Variants in TDRP observed in about 807,000 individuals in gnomAD.
TDRP encodes the protein testis development-related protein.
A neutral mutation model predicts 10.5 loss-of-function variants in TDRP; 12 were observed. The ratio of observed to expected loss-of-function variants is 1.15; its 90% CI spans 0.73 to 1.86. The LOEUF (loss-of-function observed/expected upper bound fraction) is 1.86, where lower values mean the gene tolerates loss of function less well. Among genes scored for constraint, TDRP ranks in the 40% most tolerant of loss-of-function variants. The pLI is 0.00. For missense variants in TDRP, 353 were observed against 229.2 expected (o/e 1.54, Z -3.49); for synonymous variants, 139 against 95.4 (o/e 1.46, Z -2.67).
Position 544,644 on chromosome 8 carries a change from CCT to C in TDRP, c.108+4_108+5del. 8.1e-7 allele frequency: 1 copy of C among 1,233,312 alleles called. No homozygotes were observed. The highest frequency in any genetic ancestry group is 1.0e-6 in the Non-Finnish European group (1 of 988,586). 76.4% of individuals were successfully genotyped at this position (1,233,312 alleles called of 1,614,324 possible). On this transcript the variant is annotated splice_donor_5th_base_variant and intron_variant, in intron 1 of 2. Transcript: ENST00000324079. ...ACTAGCACTCCCCACCTGCGCACCC[CCT>C]CACCTGCGCCTGGGCGGCGGCGGCG...
intron 1 of TDRP, among the ~76,000 whole-genome samples, chr8:542,528 C>G (rs1802524169): frequency 6.6e-6 from 1 of 151,910 alleles, no homozygotes; most frequent in African/African-American, 2.4e-5. Context: ...AAAATAGAGT[C>G]TATTAAAGTT....
At chr8:496,299 C>T (rs1022957006) in intron 1 of TDRP, among the ~76,000 whole-genome samples, 6 of 152,196 alleles carry the variant, frequency 3.9e-5, no homozygotes, top group Admixed American at 3.3e-4. Flanking sequence ...CATGACAGAG[C>T]ATGTGGCAGG....
intron 1 of TDRP, among the ~76,000 whole-genome samples, chr8:520,069 A>G (rs1801859531): frequency 6.6e-6 from 1 of 152,242 alleles, no homozygotes; most frequent in Non-Finnish European, 1.5e-5. Flanking sequence ...GGAAACACAT[A>G]GGCAGTTTTG....
At chr8:497,034 T>C (rs988877193) in intron 1 of TDRP, among the ~76,000 whole-genome samples, 3 of 152,216 alleles carry the variant, frequency 2.0e-5, no homozygotes, top group Non-Finnish European at 4.4e-5. Flanking sequence ...CAGTCTCAGG[T>C]AGTTCTTTAT....
chr8:538,811 A>G (rs1802415296), intron 1 of TDRP, among the ~76,000 whole-genome samples: 1 of 152,216 alleles, frequency 6.6e-6, no homozygotes, highest in African/African-American at 2.4e-5. Context: ...TCACATTAAG[A>G]TGCAACTTTT....
intron 1 of TDRP, among the ~76,000 whole-genome samples, chr8:512,216 G>C (rs954198247): frequency 2.0e-5 from 3 of 151,836 alleles, no homozygotes; most frequent in East Asian, 1.9e-4. Flanking sequence ...ACGAGGTGGA[G>C]ACTGAGACCA....
chr8:502,784 A>G (rs1801340328), intron 1 of TDRP, among the ~76,000 whole-genome samples: 1 of 151,742 alleles, frequency 6.6e-6, no homozygotes, highest in Non-Finnish European at 1.5e-5. Context: ...TGGAATCCAG[A>G]GCCATACACT....
chr8:496,866 G>C (rs1470242716), intron 1 of TDRP, among the ~76,000 whole-genome samples: 1 of 152,176 alleles, frequency 6.6e-6, no homozygotes, highest in Admixed American at 6.5e-5. Context: ...TGTGGCACCT[G>C]TCTTTTCTCT....
chr8:517,232 C>G (rs1801780468), intron 1 of TDRP, among the ~76,000 whole-genome samples: 1 of 152,138 alleles, frequency 6.6e-6, no homozygotes, highest in African/African-American at 2.4e-5. Flanking sequence ...CACATGACAG[C>G]AGGCCCTAAA....
At chr8:529,960 A>T (rs1584362) in intron 1 of TDRP, among the ~76,000 whole-genome samples, 71,552 of 151,912 alleles carry the variant, frequency 0.47, 17,447 homozygotes, top group Admixed American at 0.57. Context: ...TCTTTATTCA[A>T]ATAAGCTCTC....
rs1470734683 is a variant in TDRP, at chr8:492,702, T to C, written c.255A>G (p.Lys85=). ...RLKEELKAEK[K]SGFWDNLVLK... ...AAACCAAATTGTCCCAAAATCCAGA[T>C]TTCTTCTCTGCCTTCAACTCTTCTT... Residue 85 remains lysine (K), a synonymous_variant, in exon 3 of 3, where the codon AAA becomes AAG. Coordinates refer to ENST00000324079, the MANE Select transcript of TDRP (RefSeq NM_001384899.1). 8.1e-6 allele frequency: 13 copies of C among 1,613,774 alleles called. No homozygotes were observed. Among genetic ancestry groups the C allele is most frequent in the South Asian group, 3.3e-5 (3 of 91,064 alleles).
chr8:497,754 G>A (rs60454751), intron 1 of TDRP, among the ~76,000 whole-genome samples: 2,602 of 152,294 alleles, frequency 0.017, 56 homozygotes, highest in East Asian at 0.084. Flanking sequence ...CACAGGTCCA[G>A]AGGCCTAGGA....
chr8:520,781 T>A (rs1801881793), intron 1 of TDRP, among the ~76,000 whole-genome samples: 1 of 152,208 alleles, frequency 6.6e-6, no homozygotes, highest in South Asian at 2.1e-4. Flanking sequence ...GCCCATTTTT[T>A]AATCAGGTTT....
intron 1 of TDRP, among the ~76,000 whole-genome samples, chr8:501,237 G>A (rs929281649): frequency 3.9e-5 from 6 of 151,966 alleles, no homozygotes; most frequent in African/African-American, 7.2e-5. Flanking sequence ...AAACATGAGC[G>A]TAATGCTCGG....
intron 1 of TDRP, among the ~76,000 whole-genome samples, chr8:504,495 C>A (rs1801401155): frequency 6.6e-6 from 1 of 152,122 alleles, no homozygotes; most frequent in Admixed American, 6.5e-5. Flanking sequence ...AGAACGGAGC[C>A]CCCTACCCTG....
intron 2 of TDRP, among the ~76,000 whole-genome samples, chr8:493,988 C>CTTTTT (rs1563114921): frequency 9.6e-6 from 1 of 104,482 alleles, no homozygotes; most frequent in African/African-American, 3.7e-5. Context: ...CAACTCATTT[C>CTTTTT]TGTTGTTTTT....
intron 1 of TDRP, among the ~76,000 whole-genome samples, chr8:522,987 T>C (rs916912691): frequency 5.3e-5 from 8 of 152,166 alleles, no homozygotes; most frequent in African/African-American, 1.4e-4. Context: ...CACGTAGTTT[T>C]GGTTGGGGAG....
rs1460894460 is a variant in TDRP, at chr8:492,681, C to A, written c.276G>T (p.Leu92Phe). 2.5e-6 allele frequency: 4 copies of A among 1,613,912 alleles called. No individual in the cohort carries two copies. Among genetic ancestry groups the A allele is most frequent in the Non-Finnish European group, 3.4e-6 (4 of 1,179,870 alleles). Residue 92 changes from leucine to phenylalanine, a missense_variant, in exon 3 of 3, where the codon TTG (leucine) becomes TTT (phenylalanine). Leu to Phe is a conservative substitution (Grantham distance 22). Coordinates refer to ENST00000324079, the MANE Select transcript of TDRP (RefSeq NM_001384899.1). ...AEKKSGFWDNLVLKQNIQSKK... is the reference protein window; with the variant it reads ...AEKKSGFWDNFVLKQNIQSKK... ...TAGACTGTATATTCTGTTTTAAAAC[C>A]AAATTGTCCCAAAATCCAGATTTCT...
At chr8:540,943 T>A (rs1293605769) in intron 1 of TDRP, among the ~76,000 whole-genome samples, 2 of 152,256 alleles carry the variant, frequency 1.3e-5, no homozygotes, top group Non-Finnish European at 2.9e-5. Context: ...TCACACTGAC[T>A]GACAGATTTG....
Sources: gnomAD v4.1 joint callset for allele counts (sites outside exome capture counted in the v4.1 genomes callset) on GRCh38, gnomAD v4.1.1 for gene constraint, MANE v1.5 for transcripts, NCBI Gene and HGNC (gene_info 2026-07-23, HGNC 2026-07-21) for gene names.